Variants in KLF17 observed in about 807,000 individuals in gnomAD.
KLF17 encodes the protein Krueppel-like factor 17.
Under a neutral mutation model 34.2 loss-of-function variants are expected in KLF17, and 31 were observed. The ratio of observed to expected loss-of-function variants is 0.91; its 90% confidence interval spans 0.68 to 1.22. The LOEUF is 1.22. Ranked by LOEUF, KLF17 falls within the 50% of genes most tolerant of loss-of-function variation. The pLI is 0.00. For missense variants in KLF17, 478 were observed against 505.2 expected (o/e 0.95, Z 0.52); for synonymous variants, 179 against 186.7 (o/e 0.96, Z 0.34).
At chr1:44,097,438 C>G in the KLF17 span, among the ~76,000 whole-genome samples, 1 of 152,102 alleles carries the variant, frequency 6.6e-6, no homozygotes, top group Admixed American at 6.6e-5. Flanking sequence ...AGCATTGAAT[C>G]TATAAATCAC....
chr1:44,081,222 TAAA>T, the KLF17 span, among the ~76,000 whole-genome samples: 5 of 107,858 alleles, frequency 4.6e-5, no homozygotes, highest in Non-Finnish European at 3.9e-5. Flanking sequence ...CAAGATCCTG[TAAA>T]AAAAAAAAAA....
chr1:44,088,007 G>T, the KLF17 span: 1 of 217,332 alleles, frequency 4.6e-6, no homozygotes, highest in South Asian at 8.2e-5. Context: ...AGAGTCCCAT[G>T]GACTCAGACA....
At chr1:44,095,289 T>C in the KLF17 span, among the ~76,000 whole-genome samples, 48,656 of 149,896 alleles carry the variant, frequency 0.32, 8,079 homozygotes, top group South Asian at 0.38. Flanking sequence ...GATCTCAGCT[T>C]ATCACAACCT....
At chr1:44,047,787 A>G in the KLF17 span, among the ~76,000 whole-genome samples, 2 of 152,202 alleles carry the variant, frequency 1.3e-5, no homozygotes, top group African/African-American at 4.8e-5. Flanking sequence ...TAGCTTAGAT[A>G]GGGAAGAGGA....
At chr1:44,129,122 A>AC (rs879882434) in intron 1 of KLF17, among the ~76,000 whole-genome samples, 5 of 152,126 alleles carry the variant, frequency 3.3e-5, no homozygotes, top group Non-Finnish European at 7.3e-5. Flanking sequence ...TGAAATAAAA[A>AC]CCAAAAACAT....
chr1:44,125,456 T>C, intron 1 of KLF17, among the ~76,000 whole-genome samples: 1 of 152,208 alleles, frequency 6.6e-6, no homozygotes, highest in East Asian at 1.9e-4. Flanking sequence ...CAAGATTCTC[T>C]CTTTGTCCTG....
chr1:44,098,487 TA>T, the KLF17 span, among the ~76,000 whole-genome samples: 40,900 of 139,784 alleles, frequency 0.29, 6,023 homozygotes, highest in South Asian at 0.35. Flanking sequence ...TTATTTTTTT[TA>T]AAAAAGATTA....
the KLF17 span, among the ~76,000 whole-genome samples, chr1:44,067,992 A>T: frequency 6.6e-6 from 1 of 151,980 alleles, no homozygotes; most frequent in Non-Finnish European, 1.5e-5. Context: ...TCTGGGCATG[A>T]GAAGGACAGG....
chr1:44,064,120 A>C, the KLF17 span, among the ~76,000 whole-genome samples: 1 of 152,196 alleles, frequency 6.6e-6, no homozygotes, highest in African/African-American at 2.4e-5. Context: ...CAGCCAAATG[A>C]AAAAATAAGT....
the KLF17 span, among the ~76,000 whole-genome samples, chr1:44,089,738 C>G: frequency 6.6e-6 from 1 of 152,118 alleles, no homozygotes. Flanking sequence ...GCTTCATATC[C>G]CAAGCAACCA....
the KLF17 span, among the ~76,000 whole-genome samples, chr1:44,091,961 A>ACT: frequency 2.6e-3 from 301 of 116,540 alleles, no homozygotes; most frequent in African/African-American, 5.0e-3. Context: ...ACACACACAC[A>ACT]CTCTCTCTCT....
rs1264312672 is a variant in KLF17 at position 44,130,668 on chromosome 1, A to G, written c.1082A>G (p.His361Arg). 1 of 1,614,140 alleles carries G rather than the reference A, an allele frequency of 6.2e-7. No individual in the cohort carries two copies. The highest frequency in any genetic ancestry group is 1.7e-5 in the Admixed American group (1 of 60,004). The change falls in exon 3 of 4, where the codon CAC (histidine) becomes CGC (arginine). Residue 361 changes from histidine to arginine, a missense_variant. By Grantham distance (29) the His-to-Arg change is conservative. Coordinates refer to ENST00000372299, the MANE Select transcript of KLF17 (RefSeq NM_173484.4). ...EFMRSDHLKQ[H>R]QKTHRPGPSD... is the part of the protein sequence containing the mutation. Reference sequence around the variant, plus strand: ...ATGAGGTCTGACCATCTCAAGCAACACCAGAAGACTCATCGGCCGGGACCC... The same window carrying G: ...ATGAGGTCTGACCATCTCAAGCAACGCCAGAAGACTCATCGGCCGGGACCC...
chr1:44,072,556 G>A, the KLF17 span, among the ~76,000 whole-genome samples: 686 of 149,280 alleles, frequency 4.6e-3, 4 homozygotes, highest in African/African-American at 0.017. Context: ...AAATAAATAG[G>A]CCAGCATGAT....
At chr1:44,115,508 A>G (rs1476995746), upstream of KLF17, 1 of 151,350 alleles carries the variant, frequency 6.6e-6, no homozygotes, top group Non-Finnish European at 1.5e-5. Flanking sequence ...AGTGGGACAG[A>G]GTGCAAACTG....
the KLF17 span, among the ~76,000 whole-genome samples, chr1:44,079,483 CAT>C: frequency 6.6e-6 from 1 of 151,784 alleles, no homozygotes; most frequent in South Asian, 2.1e-4. Flanking sequence ...TGTTATTTTT[CAT>C]AGAGGTGAGG....
chr1:44,126,280 C>T (rs918021398), intron 1 of KLF17, among the ~76,000 whole-genome samples: 1 of 152,150 alleles, frequency 6.6e-6, no homozygotes, highest in Non-Finnish European at 1.5e-5. Flanking sequence ...CCGCCTCGGC[C>T]TCCCAAAGTG....
chr1:44,089,526 T>C, the KLF17 span, among the ~76,000 whole-genome samples: 2 of 152,252 alleles, frequency 1.3e-5, no homozygotes, highest in South Asian at 4.1e-4. Flanking sequence ...GATCCTGAAA[T>C]AGCTGACAGT....
intron 3 of KLF17, among the ~76,000 whole-genome samples, 178 bp from the exon 4 acceptor site, chr1:44,133,060 T>G (rs1289141503): frequency 2.0e-5 from 3 of 152,176 alleles, no homozygotes; most frequent in African/African-American, 7.2e-5. Flanking sequence ...AGAGCTGGTT[T>G]CTGTGCTCAA....
At chr1:44,046,129 G>GATAATAATAATAATA in the KLF17 span, 1 of 141,782 alleles carries the variant, frequency 7.1e-6, no homozygotes, top group African/African-American at 2.6e-5. Flanking sequence ...TTTGGTAAAG[G>GATAATAATAATAATA]ATAATAATAA....
Sources: allele counts gnomAD v4.1 joint callset (sites outside exome capture counted in the v4.1 genomes callset), GRCh38; gene constraint gnomAD v4.1.1; transcripts MANE v1.5; gene names NCBI Gene and HGNC (gene_info 2026-07-23, HGNC 2026-07-21).